Variants in CAST observed in about 807,000 individuals in gnomAD.
CAST encodes the protein MIR583 host.
CAST carries 76 observed loss-of-function variants against 119.6 expected under a neutral mutation model. That is an observed-to-expected ratio of 0.64 (90% CI 0.53 to 0.77). The LOEUF (loss-of-function observed/expected upper bound fraction) is 0.77, where lower values mean the gene tolerates loss of function less well. Among genes scored for constraint, CAST ranks in the 30% least tolerant of loss-of-function variants. The pLI is 0.00. For synonymous variants in CAST, 319 were observed against 331.6 expected, an observed-to-expected ratio of 0.96 and a Z score of 0.41; for missense variants, 953 against 946.5, an observed-to-expected ratio of 1.01 and a Z score of -0.09.
chr5:96,428,359 T>C, the CAST span, among the ~76,000 whole-genome samples: 3 of 152,154 alleles, frequency 2.0e-5, no homozygotes, highest in Non-Finnish European at 2.9e-5. Context: ...AAAAATTATG[T>C]ACACAGATAT....
At chr5:96,074,113 C>T in the CAST span, among the ~76,000 whole-genome samples, 1 of 152,156 alleles carries the variant, frequency 6.6e-6, no homozygotes, top group East Asian at 1.9e-4. Flanking sequence ...TTCTAGTGAA[C>T]ACCATGGAAG....
the CAST span, among the ~76,000 whole-genome samples, chr5:96,136,864 A>C: frequency 6.6e-6 from 1 of 152,204 alleles, no homozygotes; most frequent in Non-Finnish European, 1.5e-5. Flanking sequence ...TTTATCAACA[A>C]GAGTTCAATA....
chr5:96,379,169 G>A, the CAST span, among the ~76,000 whole-genome samples: 6 of 152,132 alleles, frequency 3.9e-5, no homozygotes, highest in Non-Finnish European at 5.9e-5. Flanking sequence ...GTTCTCATTA[G>A]TAGAATAAGT....
intron 1 of CAST, among the ~76,000 whole-genome samples, chr5:96,603,759 C>CT (rs70981832): frequency 0.074 from 5,883 of 79,428 alleles, 387 homozygotes; most frequent in African/African-American, 0.087. Flanking sequence ...GTGCTGTACT[C>CT]TTTTTTTTTT....
intron 1 of CAST, among the ~76,000 whole-genome samples, chr5:96,644,051 CA>C (rs568551118): frequency 0.027 from 3,520 of 128,070 alleles, 45 homozygotes; most frequent in Non-Finnish European, 0.039. Flanking sequence ...GTCTCAAAAA[CA>C]AAAAAAAAAA....
At chr5:96,627,855 A>G (rs566104336) in intron 1 of CAST, among the ~76,000 whole-genome samples, 1 of 152,332 alleles carries the variant, frequency 6.6e-6, no homozygotes, top group Admixed American at 6.5e-5. Context: ...CATAGTCACA[A>G]AGTAAACCCT....
chr5:96,593,834 C>T (rs1235621078), intron 1 of CAST, among the ~76,000 whole-genome samples: 1 of 152,206 alleles, frequency 6.6e-6, no homozygotes, highest in East Asian at 1.9e-4. Context: ...CCTGACCACA[C>T]TGGCACGCTG....
At chr5:96,168,038 G>A in the CAST span, among the ~76,000 whole-genome samples, 3 of 152,302 alleles carry the variant, frequency 2.0e-5, no homozygotes, top group South Asian at 4.1e-4. Flanking sequence ...CATAGAAGAA[G>A]TTATGAAATG....
At chr5:96,080,910 A>G in the CAST span, among the ~76,000 whole-genome samples, 1 of 152,200 alleles carries the variant, frequency 6.6e-6, no homozygotes, top group Non-Finnish European at 1.5e-5. Context: ...ATGTGGTAGG[A>G]TAAGAGTGTG....
At chr5:96,068,403 CT>C in the CAST span, among the ~76,000 whole-genome samples, 6 of 152,066 alleles carry the variant, frequency 3.9e-5, no homozygotes, top group Non-Finnish European at 5.9e-5. Context: ...CCCGCTAGAA[CT>C]TTACCCTGAC....
chr5:96,115,548 A>G, the CAST span, among the ~76,000 whole-genome samples: 1 of 152,236 alleles, frequency 6.6e-6, no homozygotes, highest in African/African-American at 2.4e-5. Flanking sequence ...ATTCAGTGGT[A>G]GACCTGTAAT....
chr5:96,749,924 G>GT (rs904683725), intron 19 of CAST, among the ~76,000 whole-genome samples: 35 of 151,618 alleles, frequency 2.3e-4, no homozygotes, highest in Admixed American at 1.6e-3. Context: ...CATCTGGAGA[G>GT]TTTTTTTTTA....
chr5:96,741,521 T>C lies in CAST; in HGVS notation c.1039T>C (p.Ser347Pro). The stretch of plus-strand genomic sequence containing the variant: ...ATCTACAGAAGTTTTAAAAGCTCAG[T>C]CAGCAGGGACAGTCAGAAGTGCTGC... ...EESTEVLKAQ[S>P]AGTVRSAAPP... is the part of the protein sequence containing the mutation. The change falls in exon 15 of 32, where the codon TCA (serine) becomes CCA (proline). Residue 347 changes from serine (S) to proline (P), a missense_variant. Transcript: ENST00000675179. 6.2e-7 allele frequency: 1 copy of C among 1,613,640 alleles called. No homozygotes were observed. The highest frequency in any genetic ancestry group is 1.1e-5 in the South Asian group (1 of 91,028).
the CAST span, among the ~76,000 whole-genome samples, chr5:96,146,931 C>A: frequency 7.2e-5 from 11 of 152,260 alleles, no homozygotes; most frequent in African/African-American, 2.6e-4. Flanking sequence ...AGAAGTGACA[C>A]GGTTACTTTG....
chr5:96,013,479 C>G, the CAST span, among the ~76,000 whole-genome samples: 1 of 152,014 alleles, frequency 6.6e-6, no homozygotes, highest in Non-Finnish European at 1.5e-5. Flanking sequence ...GAGAGACAAT[C>G]AAGTCCTCTA....
At chr5:96,485,714 A>G in the CAST span, among the ~76,000 whole-genome samples, 1 of 152,130 alleles carries the variant, frequency 6.6e-6, no homozygotes, top group Non-Finnish European at 1.5e-5. Context: ...TTTGTTGCCT[A>G]CCCAAAGTGT....
chr5:96,268,257 AAG>A, the CAST span, among the ~76,000 whole-genome samples: 2 of 152,158 alleles, frequency 1.3e-5, no homozygotes, highest in Non-Finnish European at 2.9e-5. Flanking sequence ...CTGAATGTAA[AAG>A]GGTTTAATTC....
intron 1 of CAST, among the ~76,000 whole-genome samples, chr5:96,620,314 G>A (rs1449412369): frequency 7.0e-6 from 1 of 142,106 alleles, no homozygotes; most frequent in East Asian, 2.0e-4. Flanking sequence ...GGTATTTAAT[G>A]GACTTACAAT....
At chr5:95,974,672 C>T in the CAST span, among the ~76,000 whole-genome samples, 1 of 152,302 alleles carries the variant, frequency 6.6e-6, no homozygotes, top group East Asian at 1.9e-4. Flanking sequence ...GATGGCCTTT[C>T]TCTTGTGCTA....
Sources: gnomAD v4.1 joint callset for allele counts (sites outside exome capture counted in the v4.1 genomes callset) on GRCh38, gnomAD v4.1.1 for gene constraint, MANE v1.5 for transcripts, NCBI Gene and HGNC (gene_info 2026-07-23, HGNC 2026-07-21) for gene names.